The following B3GALT9 variants were observed in gnomAD, a reference collection of about 807,000 sequenced individuals.
B3GALT9 encodes UDP-GlcNAc:betaGal beta-1,3-N-acetylglucosaminyltransferase 10 (putative).
rs34598368 is a variant in B3GALT9, at chr9:120,800,116, A to ATTTTT, written c.*451_*455dup. Among the ~76,000 whole-genome samples, 1 of 122,860 alleles carries ATTTTT rather than the reference A, an allele frequency of 8.1e-6. No homozygotes were observed. Among genetic ancestry groups the ATTTTT allele is most frequent in the Non-Finnish European group, 1.7e-5 (1 of 58,326 alleles). 80.6% of individuals were successfully genotyped at this position (122,860 alleles called of 152,430 possible). ...AGGCATGTGCCACCATACCCGGCTA[A>ATTTTT]TTTTTTTTTTTTTTTTTCGGAGACA... On this transcript the variant is annotated 3_prime_UTR_variant, in exon 3 of 3. Coordinates refer to ENST00000689072, the MANE Select transcript of B3GALT9 (RefSeq NM_001386823.1).
chr9:120,797,748 A>G (rs1205053336), intron 2 of B3GALT9, among the ~76,000 whole-genome samples: 3 of 152,232 alleles, frequency 2.0e-5, no homozygotes, highest in Admixed American at 6.5e-5. Context: ...ATAGGAGGTA[A>G]CAGTTATTAT....
Position 120,801,699 on chromosome 9 carries a change from C to T in B3GALT9, c.*2021C>T, listed in dbSNP as rs567375171. On this transcript the variant is annotated 3_prime_UTR_variant, in exon 3 of 3. Coordinates refer to ENST00000689072, the MANE Select transcript of B3GALT9 (RefSeq NM_001386823.1). ...AGGTTGCAGTGAGCCGAGATCATGC[C>T]ACTGCACTCCAGCCTGGGCAACAGT... Among the ~76,000 whole-genome samples the T allele has an allele frequency of 6.6e-6, 1 of 152,276 alleles. No individual in the cohort carries two copies. Among genetic ancestry groups the T allele is most frequent in the East Asian group, 1.9e-4 (1 of 5,190 alleles).
Position 120,794,184 on chromosome 9 carries a change from A to G in B3GALT9, c.-182+262A>G, listed in dbSNP as rs148147571. ...ACATTTTTTGTGTACCATCTCACTC[A>G]GTTCCCACAACAACCCCACAAGCTA... On this transcript the variant is annotated intron_variant, in intron 1 of 2. Transcript: ENST00000689072. Among the ~76,000 whole-genome samples, 162 of 152,318 alleles carry G rather than the reference A, an allele frequency of 1.1e-3. 2 individuals are homozygous for G. Among genetic ancestry groups the G allele is most frequent in the African/African-American group, 3.8e-3 (159 of 41,560 alleles).
chr9:120,795,083 G>A (rs1338045894), intron 1 of B3GALT9, among the ~76,000 whole-genome samples: 6 of 152,076 alleles, frequency 3.9e-5, no homozygotes, highest in Admixed American at 6.6e-5. Flanking sequence ...AGTCAACTAC[G>A]GTGTCCTAAA....
Position 120,800,924 on chromosome 9 carries a change from T to G in B3GALT9, c.*1246T>G, listed in dbSNP as rs1047015686. On this transcript the variant is annotated 3_prime_UTR_variant, in exon 3 of 3. Transcript: ENST00000689072. Reference sequence around the variant, plus strand: ...TCCATTTACTCTCTGTTTCTATGAATTTGAGTTTTTTTACACTCCACATAT... The same window carrying G: ...TCCATTTACTCTCTGTTTCTATGAAGTTGAGTTTTTTTACACTCCACATAT... Among the ~76,000 whole-genome samples, 2 of 152,226 alleles carry G rather than the reference T, an allele frequency of 1.3e-5. No individual in the cohort carries two copies. The highest frequency in any genetic ancestry group is 6.5e-5 in the Admixed American group (1 of 15,276).
At position 120,797,773 on chromosome 9, in the gene B3GALT9, A is replaced by T. The variant is rs1445252069; in HGVS notation, c.7-802A>T. Among the ~76,000 whole-genome samples, 3 of 152,362 alleles carry T rather than the reference A, an allele frequency of 2.0e-5. No homozygotes were observed. The East Asian group carries it at 5.8e-4, about 29-fold the overall frequency. ...ACAGTTATTATGGGAGGCTTTATTG[A>T]TTGAAGATCCAATGAAAAGGGATTT... On this transcript the variant is annotated intron_variant, in intron 2 of 2. Transcript: ENST00000689072.
chr9:120,799,496 T>A lies in B3GALT9; in HGVS notation c.928T>A (p.Ser310Thr). ...NRCCYKFIFT[S>T]SEIADPEMPL... is the part of the protein sequence containing the mutation. ...ATGTTGCTATAAGTTCATTTTTACA[T>A]CCTCAGAAATTGCAGATCCTGAAAT... The change falls in exon 3 of 3, where the codon TCC becomes ACC. Residue 310 changes from serine to threonine, a missense_variant. Physicochemically the swap from Ser to Thr is moderately conservative, Grantham distance 58 (BLOSUM62 1). Transcript: ENST00000689072. 2.5e-6 allele frequency: 1 copy of A among 399,610 alleles called. No individual in the cohort carries two copies. 24.8% of individuals were successfully genotyped at this position (399,610 alleles called of 1,614,324 possible).
In B3GALT9 at chr9:120,799,409, A is replaced by G; in HGVS notation, c.841A>G (p.Ile281Val). 2.5e-6 allele frequency: 1 copy of G among 399,294 alleles called. No individual in the cohort carries two copies. The allele number at this position is 399,294 out of a possible 1,614,324, so 24.7% of individuals were successfully genotyped here. A position where few individuals can be genotyped will look rare whatever the true frequency, so the allele number is the denominator to read the frequency against. Residue 281 changes from isoleucine to valine, a missense_variant, in exon 3 of 3, where the codon ATT (isoleucine) becomes GTT (valine). Coordinates refer to ENST00000689072, the MANE Select transcript of B3GALT9 (RefSeq NM_001386823.1). Reference protein sequence around the residue: ...DVFVGICAKFIGLIPIHSSRF... With the variant: ...DVFVGICAKFVGLIPIHSSRF... ...GTTTGTAGGAATTTGTGCTAAGTTC[A>G]TTGGCCTTATACCCATCCACAGCTC...
intron 2 of B3GALT9, among the ~76,000 whole-genome samples, chr9:120,797,268 G>A (rs564831784): frequency 6.6e-6 from 1 of 152,242 alleles, no homozygotes; most frequent in Admixed American, 6.5e-5. Flanking sequence ...CACTTTGGAA[G>A]GCCGAGGCAG....
rs1256933157 is a variant in B3GALT9 at position 120,800,109 on chromosome 9, C to G, written c.*431C>G. On this transcript the variant is annotated 3_prime_UTR_variant, in exon 3 of 3. Coordinates refer to ENST00000689072, the MANE Select transcript of B3GALT9 (RefSeq NM_001386823.1). Reference sequence around the variant, plus strand: ...AGACTATAGGCATGTGCCACCATACCCGGCTAATTTTTTTTTTTTTTTTTC... The same window carrying G: ...AGACTATAGGCATGTGCCACCATACGCGGCTAATTTTTTTTTTTTTTTTTC... Among the ~76,000 whole-genome samples, 2 of 147,674 alleles carry G rather than the reference C, an allele frequency of 1.4e-5. No individual in the cohort carries two copies. Among genetic ancestry groups the G allele is most frequent in the African/African-American group, 5.0e-5 (2 of 40,008 alleles).
At chr9:120,797,576 C>T (rs1401366143) in intron 2 of B3GALT9, among the ~76,000 whole-genome samples, 1 of 152,088 alleles carries the variant, frequency 6.6e-6, no homozygotes, top group East Asian at 1.9e-4. Flanking sequence ...ATCCCAACCT[C>T]TTACCCACTG....
At chr9:120,794,507 TG>T (rs1471809896) in intron 1 of B3GALT9, among the ~76,000 whole-genome samples, 7 of 878 alleles carry the variant, frequency 8.0e-3, no homozygotes, top group East Asian at 0.1. Context: ...CCCAGCTAGT[TG>T]TGTGTGTGTG....
At position 120,794,005 on chromosome 9, in the gene B3GALT9, C is replaced by T. The variant is rs111332161; in HGVS notation, c.-182+83C>T. On this transcript the variant is annotated intron_variant, in intron 1 of 2. Coordinates refer to ENST00000689072, the MANE Select transcript of B3GALT9 (RefSeq NM_001386823.1). ...CAACGTTTACACTCTGGCTGTGGCC[C>T]GGTTACTTAACCTCTCAGACTTTGC... The T allele has an allele frequency of 8.4e-3, 1,646 of 196,592 alleles. 35 individuals carry two copies. Among genetic ancestry groups the T allele is most frequent in the African/African-American group, 0.036 (1,542 of 43,220 alleles). 12.2% of individuals were successfully genotyped at this position (196,592 alleles called of 1,614,324 possible).
chr9:120,798,658 T>C lies in B3GALT9; in HGVS notation c.90T>C (p.Thr30=). 1 of 399,494 alleles carries C rather than the reference T, an allele frequency of 2.5e-6. No homozygotes were observed. 24.7% of individuals were successfully genotyped at this position (399,494 alleles called of 1,614,324 possible). The part of the protein sequence containing the change: ...VILFHALLFG[T]DFVEEYFLHS... ...TATTTCATGCCTTGCTTTTTGGGAC[T>C]GACTTTGTGGAGGAATACTTTCTGC... Residue 30 remains threonine, a synonymous_variant, in exon 3 of 3, where the codon ACT becomes ACC. Coordinates refer to ENST00000689072, the MANE Select transcript of B3GALT9 (RefSeq NM_001386823.1).
intron 1 of B3GALT9, among the ~76,000 whole-genome samples, 167 bp from the exon 2 acceptor site, chr9:120,796,256 G>A (rs774199604): frequency 4.6e-5 from 7 of 152,192 alleles, no homozygotes; most frequent in Non-Finnish European, 8.8e-5. Flanking sequence ...CTGGGTAACT[G>A]TTCTTTGAAC....
At position 120,793,703 on chromosome 9, in the gene B3GALT9, C is replaced by T. The variant is rs997355023; in HGVS notation, c.-401C>T. 5 of 398,544 alleles carry T rather than the reference C, an allele frequency of 1.3e-5. No homozygotes were observed. The highest frequency in any genetic ancestry group is 6.2e-4 in the Middle Eastern group (1 of 1,610). The allele number at this position is 398,544 out of a possible 1,614,324, so 24.7% of individuals were successfully genotyped here. ...GCTCTGCAGTAGTTTTTCTTATTAT[C>T]CTCATTTTACGGAGGAGAGGGAGCT... On this transcript the variant is annotated 5_prime_UTR_variant, in exon 1 of 3. Coordinates refer to ENST00000689072, the MANE Select transcript of B3GALT9 (RefSeq NM_001386823.1).
rs1271686994 is a variant in B3GALT9 at position 120,793,523 on chromosome 9, G to C, written c.-581G>C. 2 of 400,246 alleles carry C rather than the reference G, an allele frequency of 5.0e-6. No individual in the cohort carries two copies. Among genetic ancestry groups the C allele is most frequent in the Non-Finnish European group, 8.8e-6 (2 of 227,278 alleles). The allele number at this position is 400,246 out of a possible 1,614,324, so 24.8% of individuals were successfully genotyped here. A position where few individuals can be genotyped will look rare whatever the true frequency, so the allele number is the denominator to read the frequency against. On this transcript the variant is annotated 5_prime_UTR_variant, in exon 1 of 3. Transcript: ENST00000689072. The stretch of plus-strand genomic sequence containing the variant: ...TGGGAGGCTGGAGGCCGGGAGTAGG[G>C]GTGGGGAGAAGAGCGTCCCGGGAAG...
At position 120,799,024 on chromosome 9, in the gene B3GALT9, G is replaced by A. The variant is rs1316020706; in HGVS notation, c.456G>A (p.Leu152=). The part of the protein sequence containing the change: ...KNNDIIEGIF[L]DSSENQTLKI... ...ATGATATAATTGAAGGAATCTTCTT[G>A]GACAGTTCTGAGAACCAAACCCTGA... Residue 152 remains leucine, a synonymous_variant, in exon 3 of 3, where the codon TTG becomes TTA. Transcript: ENST00000689072. 4 of 398,890 alleles carry A rather than the reference G, an allele frequency of 1.0e-5. No homozygotes were observed. Among genetic ancestry groups the A allele is most frequent in the African/African-American group, 4.1e-5 (2 of 48,608 alleles). 24.7% of individuals were successfully genotyped at this position (398,890 alleles called of 1,614,324 possible).
chr9:120,795,219 ACT>A (rs1404546999), intron 1 of B3GALT9, among the ~76,000 whole-genome samples: 2 of 152,142 alleles, frequency 1.3e-5, no homozygotes, highest in East Asian at 3.8e-4. Context: ...CAGATTGGAT[ACT>A]CTCTATGAAA....
Sources: gnomAD v4.1 joint callset for allele counts (sites outside exome capture counted in the v4.1 genomes callset) on GRCh38, gnomAD v4.1.1 for gene constraint, MANE v1.5 for transcripts, NCBI Gene and HGNC (gene_info 2026-07-23, HGNC 2026-07-21) for gene names.